Variants in ITGA9 observed in about 807,000 individuals in gnomAD.
ITGA9 encodes integrin alpha-9.
ITGA9 carries 56 observed loss-of-function variants against 127.8 expected under a neutral mutation model. The observed-to-expected ratio is 0.44, with a 90% CI of 0.35 to 0.55. The LOEUF is 0.55. Among genes scored for constraint, ITGA9 ranks in the 20% least tolerant of loss-of-function variants. The pLI, the probability that ITGA9 is intolerant of heterozygous loss-of-function variation, is 0.00. For synonymous variants in ITGA9, 508 were observed against 514.5 expected (o/e 0.99, Z 0.17); for missense variants, 1,196 against 1,347.1 (o/e 0.89, Z 1.76).
chr3:37,769,122 T>A (rs1163677075), intron 23 of ITGA9, among the ~76,000 whole-genome samples: 1 of 152,092 alleles, frequency 6.6e-6, no homozygotes, highest in African/African-American at 2.4e-5. Flanking sequence ...ACGGATCATC[T>A]GAGGTCAGGA....
intron 18 of ITGA9, among the ~76,000 whole-genome samples, chr3:37,715,697 T>C (rs950997308): frequency 6.6e-6 from 1 of 152,246 alleles, no homozygotes; most frequent in African/African-American, 2.4e-5. Flanking sequence ...TAAAAAATCC[T>C]GGTTTGCTTG....
At chr3:37,787,747 T>A (rs1471826997) in intron 26 of ITGA9, among the ~76,000 whole-genome samples, 1 of 152,238 alleles carries the variant, frequency 6.6e-6, no homozygotes, top group Non-Finnish European at 1.5e-5. Context: ...AAGGGGAATT[T>A]CCATAGAGCC....
chr3:37,800,679 T>C (rs921041446), intron 26 of ITGA9, among the ~76,000 whole-genome samples: 1 of 152,218 alleles, frequency 6.6e-6, no homozygotes, highest in Admixed American at 6.5e-5. Flanking sequence ...TACCAGTAAA[T>C]GTTCTTCCCT....
chr3:37,592,815 G>A (rs1180536973), intron 15 of ITGA9, among the ~76,000 whole-genome samples: 1 of 152,170 alleles, frequency 6.6e-6, no homozygotes, highest in Admixed American at 6.5e-5. Context: ...TCTGTCAAGT[G>A]CCCAGCAGGG....
intron 15 of ITGA9, among the ~76,000 whole-genome samples, chr3:37,623,294 T>G (rs1417344735): frequency 6.6e-6 from 1 of 152,244 alleles, no homozygotes; most frequent in Non-Finnish European, 1.5e-5. Context: ...TTATTTCTGT[T>G]TGGGATTTTC....
At chr3:37,803,786 A>C in intron 26 of ITGA9, 37 bp from the exon 27 acceptor site, 2 of 1,613,696 alleles carry the variant, frequency 1.2e-6, no homozygotes, top group South Asian at 2.2e-5. Flanking sequence ...AAAAAAAATA[A>C]AAAAGGAAAT....
At chr3:37,473,556 C>A in intron 3 of ITGA9, 96 bp downstream of exon 3, 1 of 814,956 alleles carries the variant, frequency 1.2e-6, no homozygotes, top group East Asian at 2.6e-5. Flanking sequence ...AAGTGCATGG[C>A]TTTGAGGTTG....
Position 37,629,460 on chromosome 3 carries a change from C to A in ITGA9, c.1839+124C>A. On this transcript the variant is annotated intron_variant, in intron 16 of 27. Coordinates refer to ENST00000264741, the MANE Select transcript of ITGA9 (RefSeq NM_002207.3). The surrounding 1 kb of genome is among the most constrained non-coding windows in gnomAD (Gnocchi z 4.5). ...AGGAGACCGCAGCCAGGACACACCTCCTCTCTGGGTCTCCCTTTTCTGATC... is the reference window on the plus strand; with the variant it reads ...AGGAGACCGCAGCCAGGACACACCTACTCTCTGGGTCTCCCTTTTCTGATC... 1.0e-6 allele frequency: 1 copy of A among 976,218 alleles called. No homozygotes were observed. The allele number at this position is 976,218 out of a possible 1,614,324, so 60.5% of individuals were successfully genotyped here.
At chr3:37,692,150 A>T (rs913141137) in intron 18 of ITGA9, among the ~76,000 whole-genome samples, 3 of 152,136 alleles carry the variant, frequency 2.0e-5, no homozygotes, top group African/African-American at 7.2e-5. Context: ...CTACACCATC[A>T]TGTACAGTCC....
intron 23 of ITGA9, among the ~76,000 whole-genome samples, chr3:37,753,530 G>A (rs928090842): frequency 1.3e-5 from 2 of 152,162 alleles, no homozygotes; most frequent in Admixed American, 6.5e-5. Context: ...TGTATGATGA[G>A]TATCTGCTGT....
intron 22 of ITGA9, among the ~76,000 whole-genome samples, chr3:37,749,879 T>G (rs1285407993): frequency 6.6e-6 from 1 of 152,150 alleles, no homozygotes; most frequent in Non-Finnish European, 1.5e-5. Flanking sequence ...AGGGCCTCAG[T>G]TACCTCAAAC....
At position 37,505,936 on chromosome 3, in the gene ITGA9, G is replaced by A. The variant is rs1455926127; in HGVS notation, c.743-64G>A. 3.4e-6 allele frequency: 4 copies of A among 1,162,758 alleles called. No individual in the cohort carries two copies. The African/African-American group carries it at 4.6e-5, about 13-fold the overall frequency. 72.0% of individuals were successfully genotyped at this position (1,162,758 alleles called of 1,614,324 possible). A position where few individuals can be genotyped will look rare whatever the true frequency, so the allele number is the denominator to read the frequency against. The stretch of plus-strand genomic sequence containing the variant: ...GCTTGAGAAACATTTTCCTCTGATG[G>A]ATGTTTTTTTTTCCCTTCCCTTCTT... On this transcript the variant is annotated intron_variant, in intron 6 of 27. Transcript: ENST00000264741.
intron 18 of ITGA9, among the ~76,000 whole-genome samples, chr3:37,698,113 T>G (rs1353239517): frequency 2.0e-5 from 3 of 152,212 alleles, no homozygotes; most frequent in South Asian, 2.1e-4. Flanking sequence ...TCATGTGTCT[T>G]TTGGCTGCAT....
At chr3:37,711,437 C>T (rs915548203) in intron 18 of ITGA9, among the ~76,000 whole-genome samples, 3 of 152,210 alleles carry the variant, frequency 2.0e-5, no homozygotes, top group Non-Finnish European at 4.4e-5. Context: ...AATCGAGCCA[C>T]TAAGTCTGGC....
chr3:37,576,998 C>A (rs953636027), intron 15 of ITGA9, among the ~76,000 whole-genome samples: 1 of 152,230 alleles, frequency 6.6e-6, no homozygotes, highest in Non-Finnish European at 1.5e-5. Context: ...GGCTAGGACA[C>A]CATGTGGTCC....
chr3:37,503,445 G>C (rs1026029749), intron 6 of ITGA9, 138 bp downstream of exon 6: 6 of 954,712 alleles, frequency 6.3e-6, no homozygotes, highest in African/African-American at 4.9e-5. Flanking sequence ...TACATCTTTA[G>C]CCAGGGCATC....
At chr3:37,685,909 TC>T (rs34635054) in intron 18 of ITGA9, among the ~76,000 whole-genome samples, 1 of 152,202 alleles carries the variant, frequency 6.6e-6, no homozygotes, top group African/African-American at 2.4e-5. Context: ...CTTGCTTTGC[TC>T]CCCCTTTACC....
At chr3:37,688,241 G>A (rs1392649221) in intron 18 of ITGA9, among the ~76,000 whole-genome samples, 1 of 152,268 alleles carries the variant, frequency 6.6e-6, no homozygotes, top group Non-Finnish European at 1.5e-5. Flanking sequence ...TGAGCGAGGT[G>A]CTAGCCACAT....
chr3:37,601,832 G>A (rs1466271514), intron 15 of ITGA9, among the ~76,000 whole-genome samples: 1 of 152,198 alleles, frequency 6.6e-6, no homozygotes, highest in Admixed American at 6.5e-5. Context: ...GAAAAGATGT[G>A]TATTCGGCTC....
Sources: allele counts gnomAD v4.1 joint callset (sites outside exome capture counted in the v4.1 genomes callset), GRCh38; gene constraint gnomAD v4.1.1; non-coding constraint Gnocchi (gnomAD v3.1); transcripts MANE v1.5; gene names NCBI Gene and HGNC (gene_info 2026-07-23, HGNC 2026-07-21).